The following MED13L variants were observed in gnomAD, a reference collection of about 807,000 sequenced individuals.
MED13L encodes mediator of RNA polymerase II transcription subunit 13-like.
A neutral mutation model predicts 220.9 loss-of-function variants in MED13L; 7 were observed. That is an observed-to-expected ratio of 0.03 (90% CI 0.02 to 0.06). The LOEUF is 0.06. Among genes scored for constraint, MED13L ranks in the 10% least tolerant of loss-of-function variants. The probability of loss-of-function intolerance (pLI) is 1.00; values close to 1 mark genes in which losing one functional copy is unlikely to be tolerated. For synonymous variants in MED13L, 1,011 were observed against 1,015.2 expected (o/e 1.00, Z 0.08); for missense variants, 1,965 against 2,760.5 (o/e 0.71, Z 6.46).
intron 4 of MED13L, among the ~76,000 whole-genome samples, chr12:116,091,120 CAAAAAAAA>C (rs5801163): frequency 3.4e-5 from 3 of 87,408 alleles, no homozygotes; most frequent in East Asian, 3.3e-4. Flanking sequence ...AACTCTGTCT[CAAAAAAAA>C]AAAAAAAAAA....
intron 2 of MED13L, among the ~76,000 whole-genome samples, chr12:116,168,416 T>C (rs1329838636): frequency 6.6e-6 from 1 of 151,406 alleles, no homozygotes; most frequent in Non-Finnish European, 1.5e-5. Context: ...GAGAGAGGTA[T>C]CACAGAAATT....
At chr12:116,092,369 G>C (rs1872299258) in intron 4 of MED13L, among the ~76,000 whole-genome samples, 1 of 152,156 alleles carries the variant, frequency 6.6e-6, no homozygotes, top group Admixed American at 6.5e-5. Context: ...CAGAGTCTGG[G>C]GAAAAAGAGG....
At chr12:116,046,160 A>AC (rs1881820455) in intron 4 of MED13L, among the ~76,000 whole-genome samples, 1 of 152,038 alleles carries the variant, frequency 6.6e-6, no homozygotes. Context: ...CACACACACA[A>AC]AAAAGAATGT....
intron 3 of MED13L, among the ~76,000 whole-genome samples, chr12:116,099,491 T>G (rs900546446): frequency 7.9e-5 from 12 of 152,214 alleles, no homozygotes; most frequent in African/African-American, 2.7e-4. Flanking sequence ...TTAAAAAATA[T>G]TCATTTCCTC....
At chr12:116,197,674 G>A (rs1323201368) in intron 2 of MED13L, among the ~76,000 whole-genome samples, 3 of 151,988 alleles carry the variant, frequency 2.0e-5, no homozygotes, top group Non-Finnish European at 4.4e-5. Flanking sequence ...GCTGAGGCAG[G>A]AGAATCATTG....
chr12:116,122,636 C>A (rs1032036160), intron 2 of MED13L, among the ~76,000 whole-genome samples: 2 of 152,094 alleles, frequency 1.3e-5, no homozygotes, highest in Non-Finnish European at 2.9e-5. Flanking sequence ...CTATTTGCAA[C>A]CTTAAGTGAT....
chr12:116,054,653 T>C (rs1293487997), intron 4 of MED13L, among the ~76,000 whole-genome samples: 1 of 152,194 alleles, frequency 6.6e-6, no homozygotes, highest in African/African-American at 2.4e-5. Context: ...ATTTAAGTGA[T>C]ACAATCATCA....
intron 2 of MED13L, among the ~76,000 whole-genome samples, chr12:116,200,765 G>T (rs935048894): frequency 1.3e-5 from 2 of 152,084 alleles, no homozygotes; most frequent in East Asian, 3.9e-4. Flanking sequence ...ATTTTTTAAT[G>T]ATTAAAAATA....
At position 116,008,504 on chromosome 12, in the gene MED13L, G is replaced by T; in HGVS notation, c.1909C>A (p.Arg637Ser). The T allele has an allele frequency of 3.7e-6, 6 of 1,613,800 alleles. No homozygotes were observed. The highest frequency in any genetic ancestry group is 5.1e-6 in the Non-Finnish European group (6 of 1,179,986). ...ESSEKWWHSY[R>S]LPPSDDAEFR... is the part of the protein sequence containing the mutation. Reference sequence around the variant, plus strand: ...TCAGCATCATCACTGGGTGGGAGACGATAACTATGCCACCACTTTTCTGAT... The same window carrying T: ...TCAGCATCATCACTGGGTGGGAGACTATAACTATGCCACCACTTTTCTGAT... The change falls in exon 10 of 31, where the codon CGT (arginine) becomes AGT (serine). Residue 637 changes from arginine (R) to serine (S), a missense_variant. By Grantham distance (110) the Arg-to-Ser change is moderately radical. This residue lies in a region of MED13L where 818 missense variants were observed against 1,041.2 expected (regional missense o/e 0.79). Transcript: ENST00000281928.
chr12:116,052,541 A>G (rs1233264616), intron 4 of MED13L, among the ~76,000 whole-genome samples: 3 of 152,224 alleles, frequency 2.0e-5, no homozygotes, highest in African/African-American at 4.8e-5. Context: ...GTGCCATCCT[A>G]AAAGGGTGTT....
intron 2 of MED13L, among the ~76,000 whole-genome samples, chr12:116,135,997 G>A (rs1876519204): frequency 6.6e-6 from 1 of 151,236 alleles, no homozygotes; most frequent in African/African-American, 2.4e-5. Flanking sequence ...TCCGCCTCCT[G>A]GGTTCAAACA....
intron 2 of MED13L, among the ~76,000 whole-genome samples, chr12:116,173,105 GAA>G (rs528648429): frequency 3.6e-5 from 4 of 109,878 alleles, no homozygotes; most frequent in East Asian, 2.6e-4. Flanking sequence ...AACAACTCAG[GAA>G]AAAAAAAAAA....
intron 2 of MED13L, among the ~76,000 whole-genome samples, chr12:116,171,429 A>G (rs1169856204): frequency 6.6e-6 from 1 of 152,230 alleles, no homozygotes; most frequent in African/African-American, 2.4e-5. Flanking sequence ...ATGGAATAAC[A>G]TGAAATAAAT....
chr12:116,100,538 A>G (rs771476017), intron 3 of MED13L, among the ~76,000 whole-genome samples: 1 of 150,152 alleles, frequency 6.7e-6, no homozygotes, highest in East Asian at 2.0e-4. Context: ...AGGTAGAGAC[A>G]GCAGTGAGCC....
chr12:116,141,703 T>C (rs999861881), intron 2 of MED13L, among the ~76,000 whole-genome samples: 6 of 152,060 alleles, frequency 3.9e-5, no homozygotes, highest in African/African-American at 1.4e-4. Context: ...ATCATGACAA[T>C]AGCCTCCCGT....
At chr12:116,237,386 G>C in intron 2 of MED13L, 82 bp downstream of exon 2, 1 of 1,117,854 alleles carries the variant, frequency 8.9e-7, no homozygotes, top group Non-Finnish European at 1.4e-6. Context: ...TTTTAGACAA[G>C]TCTTAATAAT....
chr12:116,125,496 T>C (rs960971578), intron 2 of MED13L, among the ~76,000 whole-genome samples: 2 of 152,258 alleles, frequency 1.3e-5, no homozygotes, highest in Non-Finnish European at 2.9e-5. Context: ...TGAACACTAA[T>C]GTGCACTTAA....
chr12:116,271,633 A>T (rs1466082008), intron 1 of MED13L, among the ~76,000 whole-genome samples: 5 of 152,088 alleles, frequency 3.3e-5, no homozygotes, highest in African/African-American at 1.2e-4. Flanking sequence ...CTCAAAAAAA[A>T]AAAAAAAAGA....
chr12:115,996,531 T>C lies in MED13L; in HGVS notation c.2941A>G (p.Lys981Glu), dbSNP rs1468940576. 6.2e-7 allele frequency: 1 copy of C among 1,614,084 alleles called. No homozygotes were observed. The highest frequency in any genetic ancestry group is 2.2e-5 in the East Asian group (1 of 44,890). The part of the protein sequence containing the change: ...LFRPSWAIPP[K>E]IEQLPMPPAA... ...GGGGGCATGGGCAGTTGTTCAATTT[T>C]AGGAGGAATTGCCCATGAAGGCCGA... Residue 981 changes from lysine to glutamate, a missense_variant, in exon 16 of 31, where the codon AAA becomes GAA. By Grantham distance (56) the Lys-to-Glu change is moderately conservative. Transcript: ENST00000281928.
Sources: gnomAD v4.1 joint callset for allele counts (sites outside exome capture counted in the v4.1 genomes callset) on GRCh38, gnomAD v4.1.1 for gene constraint, gnomAD v4.1.1 regional missense constraint, MANE v1.5 for transcripts, NCBI Gene and HGNC (gene_info 2026-07-23, HGNC 2026-07-21) for gene names.